PROSER2: variants seen among roughly 807,000 people sequenced by gnomAD.
The protein encoded by PROSER2 is proline and serine-rich protein 2.
A neutral mutation model predicts 14.6 loss-of-function variants in PROSER2; 18 were observed. The ratio of observed to expected loss-of-function variants is 1.23; its 90% confidence interval spans 0.85 to 1.83. The LOEUF (loss-of-function observed/expected upper bound fraction) is 1.83, where lower values mean the gene tolerates loss of function less well. PROSER2 is among the 40% of genes most tolerant of loss of function. PROSER2 has a pLI of 0.00. For synonymous variants in PROSER2, 367 were observed against 286.4 expected (o/e 1.28, Z -2.84); for missense variants, 823 against 629.8 (o/e 1.31, Z -3.28).
intron 1 of PROSER2, among the ~76,000 whole-genome samples, chr10:11,831,009 C>A (rs146165268): frequency 6.6e-6 from 1 of 152,316 alleles, no homozygotes; most frequent in East Asian, 1.9e-4. Flanking sequence ...TTAAAAGTTT[C>A]ATGCTTTGGA....
At position 11,866,556 on chromosome 10, in the gene PROSER2, C is replaced by G; in HGVS notation, c.164C>G (p.Thr55Ser). Residue 55 changes from threonine to serine, a missense_variant, in exon 3 of 4, where the codon ACC becomes AGC. By Grantham distance (58) the Thr-to-Ser change is moderately conservative. Coordinates refer to ENST00000277570, the MANE Select transcript of PROSER2 (RefSeq NM_153256.4). The surrounding 1 kb of genome is among the most constrained non-coding windows in gnomAD (Gnocchi z 6.0). ...GATGATGAGAGCCTGAAGTACCTCA[C>G]CCATGAGGAAAAGGATGTGCTCCTG... ...TLDDESLKYL[T>S]HEEKDVLLFF... The G allele has an allele frequency of 6.2e-7, 1 of 1,614,164 alleles. No homozygotes were observed. The highest frequency in any genetic ancestry group is 8.5e-7 in the Non-Finnish European group (1 of 1,179,990).
At position 11,837,207 on chromosome 10, in the gene PROSER2, G is replaced by A. The variant is rs1413757393; in HGVS notation, c.-82+13737G>A. Among the ~76,000 whole-genome samples the A allele has an allele frequency of 1.3e-5, 2 of 152,036 alleles. No homozygotes were observed. Among genetic ancestry groups the A allele is most frequent in the African/African-American group, 2.4e-5 (1 of 41,406 alleles). ...GAAAAGATGTGAAAGTTCTGAACTT[G>A]GAGAAGAAAAAAAAATCAAATGCTG... On this transcript the variant is annotated intron_variant, in intron 1 of 3. Coordinates refer to ENST00000277570, the MANE Select transcript of PROSER2 (RefSeq NM_153256.4). This position sits in a 1 kb window ranked among gnomAD's most constrained non-coding sequence, Gnocchi z 4.6.
rs751511735 is a variant in PROSER2 at position 11,869,729 on chromosome 10, C to G, written c.631C>G (p.Leu211Val). The G allele has an allele frequency of 6.3e-7, 1 of 1,590,242 alleles. No individual in the cohort carries two copies. Among genetic ancestry groups the G allele is most frequent in the Non-Finnish European group, 8.6e-7 (1 of 1,169,520 alleles). ...CGAGAGGATGGCGGGGAACGAAGCC[C>G]TCTCGCCCACCTCCCCGTTCAGGGA... ...ISERMAGNEA[L>V]SPTSPFREGR... is the part of the protein sequence containing the mutation. The change falls in exon 4 of 4, where the codon CTC (leucine) becomes GTC (valine). Residue 211 changes from leucine (L) to valine (V), a missense_variant. Coordinates refer to ENST00000277570, the MANE Select transcript of PROSER2 (RefSeq NM_153256.4). The surrounding 1 kb of genome is among the most constrained non-coding windows in gnomAD (Gnocchi z 4.4).
intron 1 of PROSER2, among the ~76,000 whole-genome samples, chr10:11,835,794 C>A (rs1357455812): frequency 6.6e-6 from 1 of 152,090 alleles, no homozygotes; most frequent in East Asian, 1.9e-4. Flanking sequence ...GGATGAATGT[C>A]GTCAAGAGCC....
At chr10:11,863,745 T>A (rs1834290117) in intron 2 of PROSER2, among the ~76,000 whole-genome samples, 1 of 152,220 alleles carries the variant, frequency 6.6e-6, no homozygotes, top group Non-Finnish European at 1.5e-5. Flanking sequence ...GTTTTTTTCA[T>A]GTGTCTGTAT....
At chr10:11,833,235 C>CTTTGTTTTTTTTTTTT (rs1833711616) in intron 1 of PROSER2, among the ~76,000 whole-genome samples, 1 of 87,668 alleles carries the variant, frequency 1.1e-5, no homozygotes, top group African/African-American at 4.8e-5. Context: ...AATGTTGTGG[C>CTTTGTTTTTTTTTTTT]TTTTTTTTTT....
Position 11,869,557 on chromosome 10 carries a change from G to T in PROSER2, c.459G>T (p.Pro153=), listed in dbSNP as rs779812074. ...DAETPPPPDP[P]APETLLAPPP... is the part of the protein sequence containing the mutation. Reference sequence around the variant, plus strand: ...AGACTCCTCCACCTCCAGACCCCCCGGCTCCCGAGACCCTTCTTGCGCCAC... The same window carrying T: ...AGACTCCTCCACCTCCAGACCCCCCTGCTCCCGAGACCCTTCTTGCGCCAC... Residue 153 remains proline, a synonymous_variant, in exon 4 of 4, where the codon CCG becomes CCT. Coordinates refer to ENST00000277570, the MANE Select transcript of PROSER2 (RefSeq NM_153256.4). The surrounding 1 kb of genome is among the most constrained non-coding windows in gnomAD (Gnocchi z 4.4). 11 of 1,613,044 alleles carry T rather than the reference G, an allele frequency of 6.8e-6. No homozygotes were observed. The East Asian group carries it at 1.8e-4, about 26-fold the overall frequency.
intron 1 of PROSER2, among the ~76,000 whole-genome samples, chr10:11,845,758 G>A (rs775838172): frequency 7.9e-5 from 12 of 152,216 alleles, no homozygotes; most frequent in East Asian, 5.8e-4. Context: ...CCTGCCTTGC[G>A]TGCTGGGGTC....
chr10:11,834,373 G>C (rs2131050456), intron 1 of PROSER2, among the ~76,000 whole-genome samples: 1 of 152,138 alleles, frequency 6.6e-6, no homozygotes, highest in East Asian at 1.9e-4. Context: ...AGATTCTAGA[G>C]AGACACTTTT....
In PROSER2 at chr10:11,862,929, C is replaced by G. The variant is rs527274514; in HGVS notation, c.139-3602C>G. On this transcript the variant is annotated intron_variant, in intron 2 of 3. Coordinates refer to ENST00000277570, the MANE Select transcript of PROSER2 (RefSeq NM_153256.4). This position sits in a 1 kb window ranked among gnomAD's most constrained non-coding sequence, Gnocchi z 4.2. ...TCCTTCAGGGCGCTAGAGCAACCAG[C>G]CCTGCCGAAAGCAAGTGTCAGTCAG... is the stretch of plus-strand genomic sequence containing the variant. The G allele has an allele frequency of 7.6e-4, 115 of 152,266 alleles. 2 individuals are homozygous for G. Among genetic ancestry groups the G allele is most frequent in the African/African-American group, 2.6e-3 (107 of 41,554 alleles). 9.4% of individuals were successfully genotyped at this position (152,266 alleles called of 1,614,324 possible).
intron 2 of PROSER2, among the ~76,000 whole-genome samples, chr10:11,853,252 C>T (rs966203111): frequency 9.9e-5 from 15 of 152,160 alleles, no homozygotes; most frequent in Non-Finnish European, 2.1e-4. Flanking sequence ...CCCCCACTTG[C>T]ATATTTTCTT....
chr10:11,867,774 A>C (rs984114526), intron 3 of PROSER2, among the ~76,000 whole-genome samples: 23 of 152,186 alleles, frequency 1.5e-4, no homozygotes, highest in African/African-American at 5.5e-4. Flanking sequence ...AACAGGCCAG[A>C]CCAGTACCAG....
rs544363548 is a variant in PROSER2, at chr10:11,865,699, T to G, written c.139-832T>G. On this transcript the variant is annotated intron_variant, in intron 2 of 3. Coordinates refer to ENST00000277570, the MANE Select transcript of PROSER2 (RefSeq NM_153256.4). The surrounding 1 kb of genome is among the most constrained non-coding windows in gnomAD (Gnocchi z 4.2). ...CTGGAGGGCGGTCACTTGGCTGCACTGACAGCCCACACTGTTAACACGGCA... is the reference window on the plus strand; with the variant it reads ...CTGGAGGGCGGTCACTTGGCTGCACGGACAGCCCACACTGTTAACACGGCA... Among the ~76,000 whole-genome samples, 7 of 152,342 alleles carry G rather than the reference T, an allele frequency of 4.6e-5. No homozygotes were observed. The highest frequency in any genetic ancestry group is 1.7e-4 in the African/African-American group (7 of 41,582).
chr10:11,861,319 G>A (rs1230987310), intron 2 of PROSER2, among the ~76,000 whole-genome samples: 2 of 152,140 alleles, frequency 1.3e-5, no homozygotes, highest in Admixed American at 1.3e-4. Flanking sequence ...CATGCACGCC[G>A]TGTTTCCATC....
chr10:11,869,503 T>G lies in PROSER2; in HGVS notation c.405T>G (p.Ala135=). Residue 135 remains alanine (A), a synonymous_variant, in exon 4 of 4, where the codon GCT becomes GCG. Transcript: ENST00000277570. This position sits in a 1 kb window ranked among gnomAD's most constrained non-coding sequence, Gnocchi z 4.4. ...CTTGTCTTCCAGGGCCTGCACCTGC[T>G]GGGAAGGAGCACAGGAAACAAGATG... ...EGTQAAGPAP[A]GKEHRKQDAE... The G allele has an allele frequency of 1.2e-6, 2 of 1,613,426 alleles. No individual in the cohort carries two copies. The highest frequency in any genetic ancestry group is 1.7e-6 in the Non-Finnish European group (2 of 1,179,500).
rs759614991 is a variant in PROSER2, at chr10:11,869,282, C to T, written c.392-208C>T. 1.2e-5 allele frequency: 7 copies of T among 600,650 alleles called. No individual in the cohort carries two copies. Among genetic ancestry groups the T allele is most frequent in the Non-Finnish European group, 2.1e-5 (7 of 336,470 alleles). 37.2% of individuals were successfully genotyped at this position (600,650 alleles called of 1,614,324 possible). A position where few individuals can be genotyped will look rare whatever the true frequency, so the allele number is the denominator to read the frequency against. On this transcript the variant is annotated intron_variant, in intron 3 of 3. Transcript: ENST00000277570. The surrounding 1 kb of genome is among the most constrained non-coding windows in gnomAD (Gnocchi z 4.4). The stretch of plus-strand genomic sequence containing the variant: ...TGACTTGCAGGGCTATCGTGATTGT[C>T]CCTTATCAGCGTGAGGTCATGAGCA...
At chr10:11,825,218 C>T (rs959550819) in intron 1 of PROSER2, among the ~76,000 whole-genome samples, 1 of 150,430 alleles carries the variant, frequency 6.6e-6, no homozygotes, top group African/African-American at 2.5e-5. Flanking sequence ...GAAGGGCCTG[C>T]GTAGAGCAGA....
At chr10:11,824,175 CTT>C (rs1833580146) in intron 1 of PROSER2, among the ~76,000 whole-genome samples, 1 of 151,760 alleles carries the variant, frequency 6.6e-6, no homozygotes, top group Non-Finnish European at 1.5e-5. Context: ...CCTCAGAAAA[CTT>C]TTAACTCTAC....
intron 3 of PROSER2, among the ~76,000 whole-genome samples, chr10:11,868,454 T>C (rs1834396933): frequency 1.3e-5 from 2 of 152,044 alleles, no homozygotes; most frequent in Admixed American, 6.6e-5. Flanking sequence ...TTTTTTTTTG[T>C]AGTGATGGGG....
Sources: allele counts gnomAD v4.1 joint callset (sites outside exome capture counted in the v4.1 genomes callset), GRCh38; gene constraint gnomAD v4.1.1; non-coding constraint Gnocchi (gnomAD v3.1); transcripts MANE v1.5; gene names NCBI Gene and HGNC (gene_info 2026-07-23, HGNC 2026-07-21).